The following BTLA variants were observed in gnomAD, a reference collection of about 807,000 sequenced individuals.
BTLA encodes B and T lymphocyte associated, also known as B- and T-lymphocyte attenuator.
Under a neutral mutation model 25.0 loss-of-function variants are expected in BTLA, and 11 were observed. The observed-to-expected ratio is 0.44, with a 90% confidence interval of 0.28 to 0.73. BTLA has a LOEUF of 0.73. BTLA is among the 30% of genes least tolerant of loss of function. BTLA has a pLI of 0.15. For synonymous variants in BTLA, 104 were observed against 119.8 expected (o/e 0.87, Z 0.86); for missense variants, 282 against 332.8 (o/e 0.85, Z 1.19).
At chr3:112,469,882 T>C (rs2082252737) in intron 3 of BTLA, 78 bp from the exon 4 acceptor site, 3 of 1,126,988 alleles carry the variant, frequency 2.7e-6, no homozygotes, top group Non-Finnish European at 3.9e-6. Context: ...CCCATGCTTA[T>C]CCTGTTGAAT....
intron 1 of BTLA, among the ~76,000 whole-genome samples, chr3:112,497,558 G>A (rs1461012662): frequency 6.6e-6 from 1 of 152,154 alleles, no homozygotes; most frequent in Non-Finnish European, 1.5e-5. Context: ...AAATGGGGAA[G>A]AAATCTATTT....
chr3:112,497,390 C>T (rs2082415015), intron 1 of BTLA, among the ~76,000 whole-genome samples: 1 of 152,142 alleles, frequency 6.6e-6, no homozygotes, highest in South Asian at 2.1e-4. Flanking sequence ...CAGTAAGTGG[C>T]AGAGCCAGTA....
chr3:112,495,669 T>C (rs1263864585), intron 1 of BTLA, among the ~76,000 whole-genome samples: 1 of 152,240 alleles, frequency 6.6e-6, no homozygotes, highest in African/African-American at 2.4e-5. Context: ...GACAGAGCTC[T>C]ATCTCTAGCA....
intron 3 of BTLA, chr3:112,470,309 A>G (rs2082255544): frequency 6.6e-6 from 1 of 152,440 alleles, no homozygotes; most frequent in Non-Finnish European, 1.5e-5. Flanking sequence ...GGGGTAAGAG[A>G]GAATTCTTCA....
At chr3:112,486,460 AT>A (rs2082348519) in intron 1 of BTLA, among the ~76,000 whole-genome samples, 1 of 152,216 alleles carries the variant, frequency 6.6e-6, no homozygotes, top group African/African-American at 2.4e-5. Context: ...AAATGAAAAA[AT>A]GTTTTAAAAA....
At chr3:112,490,523 C>A (rs1369587507) in intron 1 of BTLA, among the ~76,000 whole-genome samples, 1 of 151,180 alleles carries the variant, frequency 6.6e-6, no homozygotes, top group Non-Finnish European at 1.5e-5. Flanking sequence ...ATGTAGTATG[C>A]AATAGTAGAT....
intron 1 of BTLA, among the ~76,000 whole-genome samples, chr3:112,482,268 T>C (rs572991755): frequency 6.6e-6 from 1 of 152,376 alleles, no homozygotes; most frequent in South Asian, 2.1e-4. Context: ...CTCATTTTCA[T>C]GCATTCTTCT....
At chr3:112,467,704 A>G (rs1576675991) in intron 4 of BTLA, among the ~76,000 whole-genome samples, 1 of 152,216 alleles carries the variant, frequency 6.6e-6, no homozygotes, top group African/African-American at 2.4e-5. Context: ...GTGGCTGCCC[A>G]AAAATAACAG....
chr3:112,481,406 G>A (rs767361503), intron 1 of BTLA, among the ~76,000 whole-genome samples: 1 of 152,220 alleles, frequency 6.6e-6, no homozygotes, highest in Non-Finnish European at 1.5e-5. Context: ...TGCCACCAAG[G>A]CTTACCAATT....
At chr3:112,484,719 G>A (rs756348078) in intron 1 of BTLA, among the ~76,000 whole-genome samples, 3 of 152,210 alleles carry the variant, frequency 2.0e-5, no homozygotes, top group Non-Finnish European at 2.9e-5. Flanking sequence ...CGCAAAGTGG[G>A]TTAGGGGTGG....
At chr3:112,471,085 A>T in intron 3 of BTLA, 127 bp downstream of exon 3, 6 of 1,252,950 alleles carry the variant, frequency 4.8e-6, no homozygotes, top group Non-Finnish European at 6.4e-6. Context: ...TCTTCTAGGA[A>T]ATCATTATCC....
At position 112,466,350 on chromosome 3, in the gene BTLA, C is replaced by T. The variant is rs2082226843; in HGVS notation, c.628G>A (p.Ala210Thr). The T allele has an allele frequency of 2.5e-6, 4 of 1,612,324 alleles. No individual in the cohort carries two copies. The East Asian group carries it at 6.7e-5, about 27-fold the overall frequency. Residue 210 changes from alanine to threonine, a missense_variant, in exon 5 of 5, where the codon GCA becomes ACA. Physicochemically the swap from Ala to Thr is moderately conservative, Grantham distance 58. This residue lies in a region of BTLA where 119 missense variants were observed against 102.3 expected (regional missense o/e 1.16). Coordinates refer to ENST00000334529, the MANE Select transcript of BTLA (RefSeq NM_181780.4). ...DAHLKSEQTE[A>T]STRQNSQVLL... is the part of the protein sequence containing the mutation. ...ACTTGGGAATTTTGCCTGGTGCTTG[C>T]TTCTGTTTGCTCACTCTTAAGGTGA...
chr3:112,469,613 A>ATG (rs371325963), intron 4 of BTLA, 145 bp downstream of exon 4: 1 of 165,738 alleles, frequency 6.0e-6, no homozygotes, highest in African/African-American at 3.3e-5. Context: ...CTATGTATAT[A>ATG]TATATATATA....
intron 1 of BTLA, among the ~76,000 whole-genome samples, chr3:112,497,802 C>A (rs17305170): frequency 0.037 from 5,705 of 152,250 alleles, 165 homozygotes; most frequent in Non-Finnish European, 0.051. Context: ...TTCCATAGAA[C>A]CTCAGTGGCC....
Position 112,499,451 on chromosome 3 carries a change from C to T in BTLA, c.-93G>A. On this transcript the variant is annotated 5_prime_UTR_variant, in exon 1 of 5. Transcript: ENST00000334529. Reference sequence around the variant, plus strand: ...CAGAGTTGGGTCAGTTTACCTACCCCAGTGGCATCTGTGAAATAACTAAAA... The same window carrying T: ...CAGAGTTGGGTCAGTTTACCTACCCTAGTGGCATCTGTGAAATAACTAAAA... 1 of 816,158 alleles carries T rather than the reference C, an allele frequency of 1.2e-6. No homozygotes were observed. Among genetic ancestry groups the T allele is most frequent in the East Asian group, 2.7e-5 (1 of 36,842 alleles). The allele number at this position is 816,158 out of a possible 1,614,324, so 50.6% of individuals were successfully genotyped here.
chr3:112,480,415 T>G (rs1374435049), intron 1 of BTLA, among the ~76,000 whole-genome samples: 1 of 152,344 alleles, frequency 6.6e-6, no homozygotes, highest in East Asian at 1.9e-4. Context: ...AGACACTGTC[T>G]TAGTCTGTTT....
At chr3:112,474,866 T>A (rs1340344414) in intron 2 of BTLA, among the ~76,000 whole-genome samples, 2 of 152,174 alleles carry the variant, frequency 1.3e-5, no homozygotes, top group African/African-American at 4.8e-5. Flanking sequence ...GTATATGGAA[T>A]CCAGAAACAA....
intron 2 of BTLA, among the ~76,000 whole-genome samples, chr3:112,472,429 G>A (rs1295006694): frequency 6.6e-6 from 1 of 151,978 alleles, no homozygotes; most frequent in Non-Finnish European, 1.5e-5. Context: ...TGGCCTGGTG[G>A]CTCACACCTG....
intron 1 of BTLA, among the ~76,000 whole-genome samples, chr3:112,487,056 T>G (rs1221269069): frequency 6.6e-6 from 1 of 152,226 alleles, no homozygotes; most frequent in Non-Finnish European, 1.5e-5. Context: ...CACAAGTAGC[T>G]GAATGGTATA....
Sources: gnomAD v4.1 joint callset for allele counts (sites outside exome capture counted in the v4.1 genomes callset) on GRCh38, gnomAD v4.1.1 for gene constraint, gnomAD v4.1.1 regional missense constraint, MANE v1.5 for transcripts, NCBI Gene and HGNC (gene_info 2026-07-23, HGNC 2026-07-21) for gene names.